PPP3CA: variants seen among roughly 807,000 people sequenced by gnomAD.
PPP3CA encodes CAM-PRP catalytic subunit.
A neutral mutation model predicts 66.5 loss-of-function variants in PPP3CA; 14 were observed. The observed-to-expected ratio is 0.21, with a 90% CI of 0.14 to 0.33. The LOEUF (loss-of-function observed/expected upper bound fraction) is 0.33. PPP3CA is among the 10% of genes least tolerant of loss of function. The pLI is 1.00. For missense variants in PPP3CA, 317 were observed against 639.5 expected (o/e 0.50, Z 5.44); for synonymous variants, 232 against 226.2 (o/e 1.03, Z -0.23).
chr4:101,196,711 TC>T (rs1724805604), intron 1 of PPP3CA, among the ~76,000 whole-genome samples: 1 of 152,168 alleles, frequency 6.6e-6, no homozygotes, highest in Non-Finnish European at 1.5e-5. Flanking sequence ...TGAAGGGACC[TC>T]CTTAAAAGTG....
intron 1 of PPP3CA, among the ~76,000 whole-genome samples, chr4:101,287,176 T>C (rs774956147): frequency 1.1e-4 from 16 of 152,130 alleles, no homozygotes; most frequent in Admixed American, 6.5e-4. Context: ...TGAAACCCAG[T>C]AACTGACAGA....
At chr4:101,048,432 C>G (rs1465813339) in intron 10 of PPP3CA, among the ~76,000 whole-genome samples, 2 of 139,278 alleles carry the variant, frequency 1.4e-5, no homozygotes, top group Non-Finnish European at 3.0e-5. Context: ...AGCCATAAAC[C>G]TGGGAATCCT....
intron 1 of PPP3CA, among the ~76,000 whole-genome samples, chr4:101,224,129 T>G (rs1166276926): frequency 1.6e-4 from 24 of 151,764 alleles, no homozygotes; most frequent in Admixed American, 1.6e-3. Context: ...AATTTATCAT[T>G]AAAACCAGGA....
At chr4:101,160,824 C>A (rs1333965133) in intron 2 of PPP3CA, among the ~76,000 whole-genome samples, 1 of 151,922 alleles carries the variant, frequency 6.6e-6, no homozygotes, top group Non-Finnish European at 1.5e-5. Context: ...TAATAAGGGG[C>A]TAGGTTTTAG....
At chr4:101,280,251 C>T (rs1266835674) in intron 1 of PPP3CA, among the ~76,000 whole-genome samples, 1 of 152,118 alleles carries the variant, frequency 6.6e-6, no homozygotes, top group African/African-American at 2.4e-5. Flanking sequence ...GATATTTGAG[C>T]AGACGTAAGG....
intron 1 of PPP3CA, among the ~76,000 whole-genome samples, chr4:101,236,878 G>T: frequency 6.6e-6 from 1 of 151,180 alleles, no homozygotes; most frequent in Non-Finnish European, 1.5e-5. Flanking sequence ...CTTAAGTCTT[G>T]GTTTTTCTGC....
At chr4:101,241,594 T>C (rs529261663) in intron 1 of PPP3CA, among the ~76,000 whole-genome samples, 94 of 152,270 alleles carry the variant, frequency 6.2e-4, no homozygotes, top group African/African-American at 2.2e-3. Context: ...ATTAATCCAA[T>C]GCTTACTATT....
At chr4:101,054,089 A>G (rs1728123658) in intron 10 of PPP3CA, among the ~76,000 whole-genome samples, 1 of 152,000 alleles carries the variant, frequency 6.6e-6, no homozygotes, top group Non-Finnish European at 1.5e-5. Context: ...TGTGTTCCTC[A>G]GAGCATATTT....
intron 1 of PPP3CA, among the ~76,000 whole-genome samples, chr4:101,255,605 CT>C (rs1189369220): frequency 1.3e-5 from 2 of 151,890 alleles, no homozygotes; most frequent in East Asian, 3.9e-4. Flanking sequence ...AAAAACAATT[CT>C]AACATCTTAT....
chr4:101,299,870 GCCACATAGT>G (rs998836877), intron 1 of PPP3CA, among the ~76,000 whole-genome samples: 2 of 152,184 alleles, frequency 1.3e-5, no homozygotes, highest in African/African-American at 4.8e-5. Context: ...GGACCAGCAT[GCCACATAGT>G]CTTACAGCTA....
chr4:101,322,201 T>C (rs1387043355), intron 1 of PPP3CA, among the ~76,000 whole-genome samples: 1 of 152,144 alleles, frequency 6.6e-6, no homozygotes, highest in Non-Finnish European at 1.5e-5. Context: ...TGAAAATCAC[T>C]ACCGCTCTGG....
At chr4:101,099,897 TA>T (rs537279108) in intron 3 of PPP3CA, among the ~76,000 whole-genome samples, 175 bp from the exon 4 acceptor site, 1,847 of 151,916 alleles carry the variant, frequency 0.012, 21 homozygotes, top group Non-Finnish European at 0.018. Flanking sequence ...ATTACTTTGG[TA>T]AAAAGCCAAG....
At chr4:101,167,899 A>G (rs1578514789) in intron 2 of PPP3CA, among the ~76,000 whole-genome samples, 2 of 152,196 alleles carry the variant, frequency 1.3e-5, no homozygotes, top group South Asian at 2.1e-4. Context: ...ACATAAAGGC[A>G]GAACAGGCAA....
chr4:101,288,411 A>G (rs1578632289), intron 1 of PPP3CA, among the ~76,000 whole-genome samples: 1 of 152,158 alleles, frequency 6.6e-6, no homozygotes, highest in Non-Finnish European at 1.5e-5. Context: ...TTACAAATGC[A>G]TTGGAATACT....
rs903814017 is a variant in PPP3CA at position 101,039,356 on chromosome 4, A to G, written c.1241+1126T>C. Among the ~76,000 whole-genome samples the G allele has an allele frequency of 2.1e-5, 3 of 144,932 alleles. 1 individual carries two copies. The highest frequency in any genetic ancestry group is 7.5e-5 in the African/African-American group (3 of 39,800). On this transcript the variant is annotated intron_variant, in intron 11 of 13. Coordinates refer to ENST00000394854, the MANE Select transcript of PPP3CA (RefSeq NM_000944.5). Reference sequence around the variant, plus strand: ...CTACATTGCCTTATTTCTTTTCTCCATGGTACATAATCAATGCTTTAAGTT... The same window carrying G: ...CTACATTGCCTTATTTCTTTTCTCCGTGGTACATAATCAATGCTTTAAGTT...
intron 1 of PPP3CA, among the ~76,000 whole-genome samples, chr4:101,285,448 G>A (rs1042453879): frequency 4.6e-5 from 7 of 152,030 alleles, no homozygotes; most frequent in African/African-American, 1.7e-4. Flanking sequence ...CAAATCACTT[G>A]ATACATGTTT....
rs2110239250 is a variant in PPP3CA at position 101,080,723 on chromosome 4, C to T, written c.861-97G>A. On this transcript the variant is annotated intron_variant, in intron 7 of 13. Transcript: ENST00000394854. ...ATAGAAAATTAGATGAGTCAAGTTC[C>T]ATCATTCAAAGGGCCTCCAATCATA... 4.5e-6 allele frequency: 3 copies of T among 661,506 alleles called. No individual in the cohort carries two copies. In the East Asian group the frequency reaches 9.2e-5, roughly 20 times the overall value. The allele number at this position is 661,506 out of a possible 1,614,324, so 41.0% of individuals were successfully genotyped here. A position where few individuals can be genotyped will look rare whatever the true frequency, so the allele number is the denominator to read the frequency against.
In PPP3CA at chr4:101,263,225, G is replaced by A. The variant is rs72681085; in HGVS notation, c.59-67109C>T. ...TGTGGGAATATGTCATCTTTGCTCC[G>A]CCTCAGAAAATCTTAGACTGACTAG... is the stretch of plus-strand genomic sequence containing the variant. On this transcript the variant is annotated intron_variant, in intron 1 of 13. Coordinates refer to ENST00000394854, the MANE Select transcript of PPP3CA (RefSeq NM_000944.5). Among the ~76,000 whole-genome samples, 221 of 152,224 alleles carry A rather than the reference G, an allele frequency of 1.5e-3. 1 individual carries two copies. Among genetic ancestry groups the A allele is most frequent in the Middle Eastern group, 6.8e-3 (2 of 294 alleles).
intron 13 of PPP3CA, 51 bp from the exon 14 acceptor site, chr4:101,026,112 C>A: frequency 6.9e-7 from 1 of 1,452,200 alleles, no homozygotes; most frequent in Non-Finnish European, 9.3e-7. Flanking sequence ...CAAAGGAAAA[C>A]AAAGGGCACA....
Sources: gnomAD v4.1 joint callset for allele counts (sites outside exome capture counted in the v4.1 genomes callset) on GRCh38, gnomAD v4.1.1 for gene constraint, MANE v1.5 for transcripts, NCBI Gene and HGNC (gene_info 2026-07-23, HGNC 2026-07-21) for gene names.